MYO7A: variants seen among roughly 807,000 people sequenced by gnomAD.
The protein encoded by MYO7A is myosin VIIA, also known as unconventional myosin-VIIa.
MYO7A carries 210 observed loss-of-function variants against 263.8 expected under a neutral mutation model. The ratio of observed to expected loss-of-function variants is 0.80; its 90% confidence interval spans 0.71 to 0.89. MYO7A has a LOEUF of 0.89. MYO7A is among the 40% of genes least tolerant of loss of function. The pLI is 0.00. For synonymous variants in MYO7A, 1,239 were observed against 1,197.3 expected (o/e 1.03, Z -0.72); for missense variants, 2,820 against 2,968.3 (o/e 0.95, Z 1.16).
At chr11:77,170,988 C>T (rs1555075559) in intron 15 of MYO7A, among the ~76,000 whole-genome samples, 1 of 152,206 alleles carries the variant, frequency 6.6e-6, no homozygotes, top group Non-Finnish European at 1.5e-5. Flanking sequence ...CACTAGGAAC[C>T]AGTTCAACAG....
intron 46 of MYO7A, 66 bp downstream of exon 46, chr11:77,212,003 C>A (rs1426696336): frequency 7.7e-7 from 1 of 1,300,048 alleles, no homozygotes. Flanking sequence ...ACAGAGACTC[C>A]TCCCTAGGAC....
At chr11:77,207,205 A>G in intron 41 of MYO7A, 84 bp from the exon 42 acceptor site, 1 of 912,020 alleles carries the variant, frequency 1.1e-6, no homozygotes, top group Non-Finnish European at 1.7e-6. Context: ...GGGGCTCAGT[A>G]TAGGAGGCAT....
chr11:77,214,245 C>A (rs1958029974), intron 48 of MYO7A, among the ~76,000 whole-genome samples: 1 of 152,170 alleles, frequency 6.6e-6, no homozygotes, highest in Non-Finnish European at 1.5e-5. Context: ...CTGTGACAGC[C>A]CTTTAGCCCC....
intron 14 of MYO7A, among the ~76,000 whole-genome samples, chr11:77,164,950 A>G (rs1591307176): frequency 6.6e-6 from 1 of 152,232 alleles, no homozygotes; most frequent in South Asian, 2.1e-4. Flanking sequence ...AACCTTTTCA[A>G]TACAGCGTCT....
rs1426996955 is a variant in MYO7A at position 77,192,961 on chromosome 11, GGTGATGGTGGAGGTAGTT to G, written c.4152+701_4152+718del. 1.6e-3 allele frequency among the ~76,000 whole-genome samples: 68 copies of G among 42,118 alleles called. 2 individuals are homozygous for G. The highest frequency in any genetic ancestry group is 8.5e-3 in the Middle Eastern group (1 of 118). 27.6% of individuals were successfully genotyped at this position (42,118 alleles called of 152,430 possible). Reference sequence around the variant, plus strand: ...TGATGGTGGAGGTAGTGATGGTGTTGGTGATGGTGGAGGTAGTTGTGATGGTGGAGGTAGTGATGCTGT... The same window carrying G: ...TGATGGTGGAGGTAGTGATGGTGTTGGTGATGGTGGAGGTAGTGATGCTGT... On this transcript the variant is annotated intron_variant, in intron 31 of 48. Coordinates refer to ENST00000409709, the MANE Select transcript of MYO7A (RefSeq NM_000260.4).
At chr11:77,128,884 C>T (rs1555045285) in intron 1 of MYO7A, among the ~76,000 whole-genome samples, 1 of 152,160 alleles carries the variant, frequency 6.6e-6, no homozygotes, top group Non-Finnish European at 1.5e-5. Context: ...TTCCTCTATG[C>T]CCCAAATATC....
intron 2 of MYO7A, among the ~76,000 whole-genome samples, chr11:77,135,419 G>C (rs527948363): frequency 1.3e-5 from 2 of 152,178 alleles, no homozygotes; most frequent in African/African-American, 4.8e-5. Context: ...TCTTAAGGCT[G>C]AGTAACGTTT....
In MYO7A at chr11:77,190,879, GCCCGGAAGCA is replaced by G. The variant is rs774395415; in HGVS notation, c.3924+12_3924+21del. 83 of 1,547,952 alleles carry G rather than the reference GCCCGGAAGCA, an allele frequency of 5.4e-5. No individual in the cohort carries two copies. The highest frequency in any genetic ancestry group is 7.2e-5 in the East Asian group (3 of 41,732). On this transcript the variant is annotated intron_variant, in intron 30 of 48. Coordinates refer to ENST00000409709, the MANE Select transcript of MYO7A (RefSeq NM_000260.4). Reference sequence around the variant, plus strand: ...TTGCCCTGTTTGACAAGGTATGGCCGCCCGGAAGCACCTCCTCCCGGAAGCACCTCCTCCC... The same window carrying G: ...TTGCCCTGTTTGACAAGGTATGGCCGCCTCCTCCCGGAAGCACCTCCTCCC...
chr11:77,181,500 C>T lies in MYO7A; in HGVS notation c.2815C>T (p.His939Tyr), dbSNP rs1338622024. 2 of 1,613,370 alleles carry T rather than the reference C, an allele frequency of 1.2e-6. No individual in the cohort carries two copies. Among genetic ancestry groups the T allele is most frequent in the Admixed American group, 1.7e-5 (1 of 59,994 alleles). ...MERARHEPVN[H>Y]SDMVDKMFGF... ...AAGGGCCCGCCATGAGCCTGTCAAT[C>T]ACTCAGACATGGTGGACAAGATGTT... The change falls in exon 23 of 49, where the codon CAC (histidine) becomes TAC (tyrosine). Residue 939 changes from histidine to tyrosine, a missense_variant. His to Tyr is a moderately conservative substitution (Grantham distance 83). Coordinates refer to ENST00000409709, the MANE Select transcript of MYO7A (RefSeq NM_000260.4).
At position 77,199,700 on chromosome 11, in the gene MYO7A, C is replaced by T. The variant is rs747155741; in HGVS notation, c.4734C>T (p.Asp1578=). 1.8e-5 allele frequency: 29 copies of T among 1,613,478 alleles called. No individual in the cohort carries two copies. The highest frequency in any genetic ancestry group is 9.9e-5 in the South Asian group (9 of 91,004). Residue 1578 remains aspartate, a synonymous_variant, in exon 35 of 49, where the codon GAC becomes GAT. Coordinates refer to ENST00000409709, the MANE Select transcript of MYO7A (RefSeq NM_000260.4). ...TCACGCTGGCCACCATCAAGGGGGA[C>T]GAATACACCTTCACCTCCAGCAATG... ...PSFTLATIKG[D]EYTFTSSNAE...
chr11:77,212,013 C>T (rs776186152), intron 46 of MYO7A, 76 bp downstream of exon 46: 2 of 1,256,158 alleles, frequency 1.6e-6, no homozygotes, highest in East Asian at 4.9e-5. Flanking sequence ...CTCCCTAGGA[C>T]TGTGGGAAAG....
intron 4 of MYO7A, among the ~76,000 whole-genome samples, chr11:77,148,608 G>A (rs1951748573): frequency 6.6e-6 from 1 of 152,106 alleles, no homozygotes; most frequent in East Asian, 1.9e-4. Flanking sequence ...ACACTTTTTG[G>A]TCACAGGGAC....
rs1353492281 is a variant in MYO7A, at chr11:77,174,764, C to T, written c.1944C>T (p.Asp648=). The T allele has an allele frequency of 1.9e-6, 3 of 1,592,676 alleles. No homozygotes were observed. Among genetic ancestry groups the T allele is most frequent in the Non-Finnish European group, 2.6e-6 (3 of 1,170,162 alleles). Reference sequence around the variant, plus strand: ...GGCTGTGTGCCTGGCAGCTGTTCGACCGGCACCTGTGCGTGCGCCAGCTGC... The same window carrying T: ...GGCTGTGTGCCTGGCAGCTGTTCGATCGGCACCTGTGCGTGCGCCAGCTGC... ...PNEFKKPMLF[D]RHLCVRQLRY... Residue 648 remains aspartate, a synonymous_variant, in exon 17 of 49, where the codon GAC becomes GAT. Transcript: ENST00000409709.
rs111360985 is a variant in MYO7A, at chr11:77,129,855, C to T, written c.-46-734C>T. 4.9e-3 allele frequency among the ~76,000 whole-genome samples: 744 copies of T among 152,302 alleles called. 4 individuals are homozygous for T. The highest frequency in any genetic ancestry group is 0.017 in the African/African-American group (694 of 41,558). On this transcript the variant is annotated intron_variant, in intron 1 of 48. Transcript: ENST00000409709. ...GGAGATGGCAAGAGCTGGCGTATTT[C>T]AGGAACAGTGAGTCACTGAGGATGT...
intron 31 of MYO7A, among the ~76,000 whole-genome samples, chr11:77,192,969 T>A (rs1956255835): frequency 4.3e-5 from 1 of 23,326 alleles, no homozygotes; most frequent in African/African-American, 4.3e-4. Flanking sequence ...TTGGTGATGG[T>A]GGAGGTAGTT....
chr11:77,201,616 C>A lies in MYO7A; in HGVS notation c.5021C>A (p.Thr1674Asn), dbSNP rs766461538. The stretch of plus-strand genomic sequence containing the variant: ...AGTGTGTACGTCATGCCCACTGTCA[C>A]CATGCCACCGCGGGAGATTGTGGTA... ...TDSVYVMPTVTMPPREIVALV... is the reference protein window; with the variant it reads ...TDSVYVMPTVNMPPREIVALV... The change falls in exon 36 of 49, where the codon ACC (threonine) becomes AAC (asparagine). Residue 1674 changes from threonine (T) to asparagine (N), a missense_variant. Physicochemically the swap from Thr to Asn is moderately conservative, Grantham distance 65. Coordinates refer to ENST00000409709, the MANE Select transcript of MYO7A (RefSeq NM_000260.4). 8 of 1,613,648 alleles carry A rather than the reference C, an allele frequency of 5.0e-6. No individual in the cohort carries two copies. Among genetic ancestry groups the A allele is most frequent in the Middle Eastern group, 3.3e-4 (2 of 6,048 alleles).
At chr11:77,200,203 G>A (rs1003728617) in intron 35 of MYO7A, among the ~76,000 whole-genome samples, 2 of 151,988 alleles carry the variant, frequency 1.3e-5, no homozygotes, top group African/African-American at 2.4e-5. Flanking sequence ...TCCAGGAGGT[G>A]GAGGCTGCAG....
rs564138724 is a variant in MYO7A at position 77,185,139 on chromosome 11, T to C, written c.3503+424T>C. On this transcript the variant is annotated intron_variant, in intron 27 of 48. Coordinates refer to ENST00000409709, the MANE Select transcript of MYO7A (RefSeq NM_000260.4). ...TGCTAATGGTCATCTGAAAGTTGTATCTATTTGCTGGAGGGTCTTGCCTTG... is the reference window on the plus strand; with the variant it reads ...TGCTAATGGTCATCTGAAAGTTGTACCTATTTGCTGGAGGGTCTTGCCTTG... 75 of 355,764 alleles carry C rather than the reference T, an allele frequency of 2.1e-4. 1 individual carries two copies. The highest frequency in any genetic ancestry group is 1.6e-3 in the South Asian group (72 of 45,290). 22.0% of individuals were successfully genotyped at this position (355,764 alleles called of 1,614,324 possible).
rs140028750 is a variant in MYO7A at position 77,160,927 on chromosome 11, C to T, written c.1201-46C>T. On this transcript the variant is annotated intron_variant, in intron 11 of 48. Coordinates refer to ENST00000409709, the MANE Select transcript of MYO7A (RefSeq NM_000260.4). Reference sequence around the variant, plus strand: ...GGGTCCAGGAGCCTGGCCTGTCCCCCGGGGGAGGGTGTGGCTGGTGCCAGT... The same window carrying T: ...GGGTCCAGGAGCCTGGCCTGTCCCCTGGGGGAGGGTGTGGCTGGTGCCAGT... 9.4e-4 allele frequency: 1,473 copies of T among 1,574,474 alleles called. 15 individuals carry two copies. The African/African-American group carries it at 0.017, about 18-fold the overall frequency.
Sources: gnomAD v4.1 joint callset for allele counts (sites outside exome capture counted in the v4.1 genomes callset) on GRCh38, gnomAD v4.1.1 for gene constraint, MANE v1.5 for transcripts, NCBI Gene and HGNC (gene_info 2026-07-23, HGNC 2026-07-21) for gene names.